The following ZPBP variants were observed in gnomAD, a reference collection of about 807,000 sequenced individuals.
The protein encoded by ZPBP is zona pellucida binding protein.
In ZPBP, 26 loss-of-function variants were observed where a neutral mutation model predicts 44.8. The ratio of observed to expected loss-of-function variants is 0.58; its 90% CI spans 0.43 to 0.81. The LOEUF (loss-of-function observed/expected upper bound fraction) is 0.81. Among genes scored for constraint, ZPBP ranks in the 30% least tolerant of loss-of-function variants. The probability of loss-of-function intolerance (pLI) is 0.00; values close to 1 mark genes in which losing one functional copy is unlikely to be tolerated. For synonymous variants in ZPBP, 174 were observed against 153.2 expected, an observed-to-expected ratio of 1.14 and a Z score of -1.00; for missense variants, 409 against 434.0, an observed-to-expected ratio of 0.94 and a Z score of 0.51.
In ZPBP at chr7:50,065,552, T is replaced by C. The variant is rs909546638; in HGVS notation, c.335-7411A>G. On this transcript the variant is annotated intron_variant, in intron 3 of 7. Coordinates refer to ENST00000046087, the MANE Select transcript of ZPBP (RefSeq NM_007009.3). ...TTCAATTATGGAGGTTTTTAACAACTAAACACTGGCTGAGGCTGTTGGTTC... is the reference window on the plus strand; with the variant it reads ...TTCAATTATGGAGGTTTTTAACAACCAAACACTGGCTGAGGCTGTTGGTTC... Among the ~76,000 whole-genome samples the C allele has an allele frequency of 3.3e-5, 5 of 150,980 alleles. 1 individual carries two copies. Among genetic ancestry groups the C allele is most frequent in the African/African-American group, 9.8e-5 (4 of 40,768 alleles).
chr7:49,868,801 T>C (rs1233623238), intron 2 of ZPBP, among the ~76,000 whole-genome samples: 1 of 152,174 alleles, frequency 6.6e-6, no homozygotes, highest in Non-Finnish European at 1.5e-5. Flanking sequence ...TGTATTTTTG[T>C]AGAGACAAGG....
intron 7 of ZPBP, among the ~76,000 whole-genome samples, chr7:49,975,048 G>A (rs1178252339): frequency 6.6e-6 from 1 of 152,000 alleles, no homozygotes; most frequent in East Asian, 2.0e-4. Context: ...CAGCAAGTGG[G>A]GACAATAAGT....
intron 2 of ZPBP, among the ~76,000 whole-genome samples, chr7:49,876,957 G>T (rs1391465134): frequency 6.6e-6 from 1 of 151,958 alleles, no homozygotes; most frequent in African/African-American, 2.4e-5. Flanking sequence ...CTTTTGACAG[G>T]TCTTCAAGAT....
chr7:49,841,399 A>T, the ZPBP span, among the ~76,000 whole-genome samples: 1 of 152,154 alleles, frequency 6.6e-6, no homozygotes, highest in Admixed American at 6.5e-5. Context: ...AAAAAGAAAC[A>T]ATTTCATAGT....
At chr7:49,993,821 G>A (rs1268964611) in intron 6 of ZPBP, among the ~76,000 whole-genome samples, 3 of 151,024 alleles carry the variant, frequency 2.0e-5, no homozygotes, top group Non-Finnish European at 2.9e-5. Flanking sequence ...TCTCATGCCC[G>A]CCACCATGGC....
intron 4 of ZPBP, among the ~76,000 whole-genome samples, chr7:50,049,187 A>G (rs1038685552): frequency 2.6e-5 from 4 of 152,088 alleles, no homozygotes; most frequent in Non-Finnish European, 5.9e-5. Flanking sequence ...AAAACTACCT[A>G]TGAAAAACAA....
At chr7:50,005,450 C>A (rs1356160583) in intron 6 of ZPBP, among the ~76,000 whole-genome samples, 1 of 151,822 alleles carries the variant, frequency 6.6e-6, no homozygotes, top group African/African-American at 2.4e-5. Flanking sequence ...TTAATGGACA[C>A]ACAGAATATG....
At chr7:49,877,183 C>A (rs770130674) in intron 2 of ZPBP, among the ~76,000 whole-genome samples, 8 of 151,700 alleles carry the variant, frequency 5.3e-5, no homozygotes, top group African/African-American at 1.7e-4. Flanking sequence ...TATTTGGGGC[C>A]GGGCGTAATG....
chr7:49,957,508 T>C (rs1190575645), intron 7 of ZPBP, among the ~76,000 whole-genome samples: 1 of 152,152 alleles, frequency 6.6e-6, no homozygotes, highest in East Asian at 1.9e-4. Context: ...GTCACCCAGG[T>C]GTTGCTGAAG....
intron 2 of ZPBP, among the ~76,000 whole-genome samples, chr7:49,876,188 G>C (rs906140941): frequency 6.6e-6 from 1 of 152,152 alleles, no homozygotes; most frequent in Non-Finnish European, 1.5e-5. Context: ...ACCTTTAAGA[G>C]ACACAGGTTG....
chr7:49,982,264 T>TAATATA (rs1797036668), intron 7 of ZPBP, among the ~76,000 whole-genome samples: 1 of 111,602 alleles, frequency 9.0e-6, no homozygotes, highest in Non-Finnish European at 1.7e-5. Flanking sequence ...TTATATTATA[T>TAATATA]ATTATATATA....
the ZPBP span, among the ~76,000 whole-genome samples, chr7:49,844,656 G>A: frequency 6.6e-6 from 1 of 152,100 alleles, no homozygotes; most frequent in Admixed American, 6.5e-5. Context: ...CTGACACGTA[G>A]CAGCCACATT....
chr7:50,070,129 G>A (rs901355487), intron 3 of ZPBP, among the ~76,000 whole-genome samples: 1 of 152,020 alleles, frequency 6.6e-6, no homozygotes, highest in African/African-American at 2.4e-5. Context: ...CAGACTAAAC[G>A]AGTGTCTCTC....
At chr7:49,950,855 T>C (rs1244040323) in intron 7 of ZPBP, among the ~76,000 whole-genome samples, 1 of 151,798 alleles carries the variant, frequency 6.6e-6, no homozygotes, top group Non-Finnish European at 1.5e-5. Flanking sequence ...CAAAACTTAC[T>C]ACAAAGCTAC....
At position 50,061,276 on chromosome 7, in the gene ZPBP, C is replaced by T. The variant is rs577590068; in HGVS notation, c.335-3135G>A. Among the ~76,000 whole-genome samples, 11 of 152,288 alleles carry T rather than the reference C, an allele frequency of 7.2e-5. No homozygotes were observed. In the South Asian group the frequency reaches 8.3e-4, roughly 11 times the overall value. ...ACAAGACAAGAATGCGCACCCTCAC[C>T]GCTCCTATTAACATAGTTCTGGAAG... On this transcript the variant is annotated intron_variant, in intron 3 of 7. Coordinates refer to ENST00000046087, the MANE Select transcript of ZPBP (RefSeq NM_007009.3).
intron 5 of ZPBP, among the ~76,000 whole-genome samples, chr7:50,028,438 T>C (rs140540896): frequency 3.9e-4 from 59 of 152,140 alleles, no homozygotes; most frequent in Middle Eastern, 3.4e-3. Flanking sequence ...AAGATGCCAA[T>C]TGTGCCACTT....
intron 3 of ZPBP, among the ~76,000 whole-genome samples, chr7:50,061,961 A>C (rs753394186): frequency 5.9e-5 from 9 of 152,224 alleles, no homozygotes; most frequent in Non-Finnish European, 1.2e-4. Flanking sequence ...GATCTGATAA[A>C]CAACTTCAGC....
At chr7:49,898,397 A>G (rs746770688) in intron 2 of ZPBP, among the ~76,000 whole-genome samples, 8 of 151,944 alleles carry the variant, frequency 5.3e-5, no homozygotes, top group Non-Finnish European at 5.9e-5. Flanking sequence ...TTACCCATAC[A>G]ATTTTCTTTC....
chr7:49,992,828 G>A (rs1485762603), intron 6 of ZPBP, among the ~76,000 whole-genome samples: 3 of 151,786 alleles, frequency 2.0e-5, no homozygotes, highest in Non-Finnish European at 4.4e-5. Flanking sequence ...AATTCTGGAA[G>A]AAAAATGACA....
Sources: gnomAD v4.1 joint callset for allele counts (sites outside exome capture counted in the v4.1 genomes callset) on GRCh38, gnomAD v4.1.1 for gene constraint, MANE v1.5 for transcripts, NCBI Gene and HGNC (gene_info 2026-07-23, HGNC 2026-07-21) for gene names.